Variants in HTR1D observed in about 807,000 individuals in gnomAD.
HTR1D encodes the protein 5-HT-1D.
Under a neutral mutation model 21.1 loss-of-function variants are expected in HTR1D, and 18 were observed. That is an observed-to-expected ratio of 0.85 (90% CI 0.59 to 1.27). HTR1D has a LOEUF of 1.27. Among genes scored for constraint, HTR1D ranks in the 50% most tolerant of loss-of-function variants. HTR1D has a pLI of 0.00. For synonymous variants in HTR1D, 196 were observed against 204.4 expected (o/e 0.96, Z 0.35); for missense variants, 456 against 481.4 (o/e 0.95, Z 0.49).
intron 1 of HTR1D, among the ~76,000 whole-genome samples, chr1:23,209,031 T>C (rs1191612556): frequency 6.7e-6 from 1 of 150,192 alleles, no homozygotes; most frequent in Non-Finnish European, 1.5e-5. Context: ...AGTCTTGCTC[T>C]GTCACCCAGG....
chr1:23,207,310 G>A (rs1644735590), intron 1 of HTR1D, among the ~76,000 whole-genome samples: 3 of 152,154 alleles, frequency 2.0e-5, no homozygotes, highest in Admixed American at 6.5e-5. Context: ...TCAGGAGGCT[G>A]AGGCAGGAGA....
At chr1:23,203,997 A>T (rs60918334) in intron 1 of HTR1D, among the ~76,000 whole-genome samples, 10,228 of 152,244 alleles carry the variant, frequency 0.067, 1,124 homozygotes, top group African/African-American at 0.23. Flanking sequence ...TGTTAAAAAA[A>T]ATTAGCGCTT....
At chr1:23,206,847 G>A (rs373969064) in intron 1 of HTR1D, among the ~76,000 whole-genome samples, 5 of 152,210 alleles carry the variant, frequency 3.3e-5, no homozygotes, top group East Asian at 3.9e-4. Context: ...CCTGACGCCT[G>A]GCCCAGAGCA....
chr1:23,211,837 A>T (rs1035840977), intron 1 of HTR1D, among the ~76,000 whole-genome samples: 5 of 151,348 alleles, frequency 3.3e-5, no homozygotes, highest in Admixed American at 1.3e-4. Flanking sequence ...TTTTAAAAAA[A>T]TTTTTTTATA....
At chr1:23,212,678 TA>T (rs1644758052) in intron 1 of HTR1D, among the ~76,000 whole-genome samples, 1 of 152,094 alleles carries the variant, frequency 6.6e-6, no homozygotes, top group Non-Finnish European at 1.5e-5. Flanking sequence ...AAAGAATGAA[TA>T]AAAAAAGAAT....
chr1:23,208,682 G>C (rs1303988594), intron 1 of HTR1D, among the ~76,000 whole-genome samples: 1 of 152,136 alleles, frequency 6.6e-6, no homozygotes, highest in East Asian at 1.9e-4. Flanking sequence ...ACTAACTGGG[G>C]GTGGGGGAAA....
chr1:23,193,443 G>C lies in HTR1D; in HGVS notation c.777C>G (p.Ser259Arg). The change falls in exon 2 of 2, where the codon AGC becomes AGG. Residue 259 changes from serine (S) to arginine (R), a missense_variant. Coordinates refer to ENST00000374619, the MANE Select transcript of HTR1D (RefSeq NM_000864.5). ...CCGAGTGCGAGTGCCCCTCATGGAGGCTGGAGTTGAGCGAGCAGAGCGAGG... is the reference window on the plus strand; with the variant it reads ...CCGAGTGCGAGTGCCCCTCATGGAGCCTGGAGTTGAGCGAGCAGAGCGAGG... ...AGSSLCSLNSSLHEGHSHSAG... is the reference protein window; with the variant it reads ...AGSSLCSLNSRLHEGHSHSAG... 4 of 1,614,240 alleles carry C rather than the reference G, an allele frequency of 2.5e-6. No individual in the cohort carries two copies. The highest frequency in any genetic ancestry group is 3.4e-6 in the Non-Finnish European group (4 of 1,180,044).
In HTR1D at chr1:23,209,069, G is replaced by A. The variant is rs561825547; in HGVS notation, c.-783+8222C>T. Among the ~76,000 whole-genome samples the A allele has an allele frequency of 3.4e-5, 5 of 146,500 alleles. No individual in the cohort carries two copies. The South Asian group carries it at 1.1e-3, about 31-fold the overall frequency. ...GGAGTGAAGTGGCACAATCTCAGCT[G>A]ACTGCAACCTCTTCCTCTCTGGTTC... On this transcript the variant is annotated intron_variant, in intron 1 of 1. Transcript: ENST00000374619.
intron 1 of HTR1D, among the ~76,000 whole-genome samples, chr1:23,210,914 T>C (rs901810708): frequency 3.9e-5 from 6 of 151,954 alleles, no homozygotes; most frequent in African/African-American, 1.2e-4. Context: ...GCTGATGGAG[T>C]GAATATTTCC....
intron 1 of HTR1D, among the ~76,000 whole-genome samples, chr1:23,199,434 T>C (rs1305076523): frequency 2.7e-5 from 3 of 112,274 alleles, no homozygotes; most frequent in African/African-American, 9.7e-5. Flanking sequence ...TTTTTTTTTT[T>C]TTTTTTTTTT....
At chr1:23,208,129 T>A (rs780505421) in intron 1 of HTR1D, among the ~76,000 whole-genome samples, 1 of 151,650 alleles carries the variant, frequency 6.6e-6, no homozygotes, top group Non-Finnish European at 1.5e-5. Context: ...GGTAAAGAGG[T>A]TTTAAATTCT....
intron 1 of HTR1D, among the ~76,000 whole-genome samples, chr1:23,202,584 T>G (rs1557723628): frequency 6.6e-6 from 1 of 152,212 alleles, no homozygotes; most frequent in Admixed American, 6.5e-5. Context: ...CAGTCTCATC[T>G]TTTTGGAAGA....
chr1:23,214,893 G>C (rs1644767289), intron 1 of HTR1D, among the ~76,000 whole-genome samples: 1 of 152,142 alleles, frequency 6.6e-6, no homozygotes. Flanking sequence ...CATGTGCATA[G>C]AGGTGATAAC....
chr1:23,214,541 C>A (rs1341884601), intron 1 of HTR1D, among the ~76,000 whole-genome samples: 1 of 152,154 alleles, frequency 6.6e-6, no homozygotes, highest in Non-Finnish European at 1.5e-5. Context: ...TCTGCTGCCA[C>A]CCCGGCCGTC....
At chr1:23,200,512 T>C (rs2806570) in intron 1 of HTR1D, among the ~76,000 whole-genome samples, 53,935 of 152,036 alleles carry the variant, frequency 0.35, 10,087 homozygotes, top group African/African-American at 0.47. Context: ...AAACGCTCAA[T>C]ATAGTCAATG....
chr1:23,194,267 C>T lies in HTR1D; in HGVS notation c.-48G>A. The T allele has an allele frequency of 6.5e-7, 1 of 1,545,874 alleles. No individual in the cohort carries two copies. Among genetic ancestry groups the T allele is most frequent in the South Asian group, 1.2e-5 (1 of 81,466 alleles). On this transcript the variant is annotated 5_prime_UTR_variant, in exon 2 of 2. Transcript: ENST00000374619. ...CAGACCTCCACACATTTGGCTCCTTCCTTCAAGGTTGTCCTGACAACAGAG... is the reference window on the plus strand; with the variant it reads ...CAGACCTCCACACATTTGGCTCCTTTCTTCAAGGTTGTCCTGACAACAGAG...
intron 1 of HTR1D, among the ~76,000 whole-genome samples, chr1:23,198,085 G>A (rs1034065635): frequency 5.2e-4 from 77 of 148,162 alleles, no homozygotes; most frequent in African/African-American, 1.6e-3. Context: ...AAAAAAAAAA[G>A]TGTGGGCCGG....
intron 1 of HTR1D, among the ~76,000 whole-genome samples, chr1:23,206,601 G>A (rs1382532304): frequency 2.0e-5 from 3 of 152,080 alleles, no homozygotes; most frequent in Non-Finnish European, 2.9e-5. Flanking sequence ...CTTTGTCCCT[G>A]CTGTGTCCTC....
intron 1 of HTR1D, among the ~76,000 whole-genome samples, chr1:23,208,067 A>G (rs1446069197): frequency 6.6e-6 from 1 of 152,080 alleles, no homozygotes; most frequent in Admixed American, 6.6e-5. Flanking sequence ...CCGGCCTGCA[A>G]GAGCCTTTGA....
Sources: allele counts gnomAD v4.1 joint callset (sites outside exome capture counted in the v4.1 genomes callset), GRCh38; gene constraint gnomAD v4.1.1; transcripts MANE v1.5; gene names NCBI Gene and HGNC (gene_info 2026-07-23, HGNC 2026-07-21).